TSPAN1: variants seen among roughly 807,000 people sequenced by gnomAD.
TSPAN1 encodes tetraspanin 1.
In TSPAN1, 23 loss-of-function variants were observed where a neutral mutation model predicts 26.9. The observed-to-expected ratio is 0.85, with a 90% CI of 0.62 to 1.21. The LOEUF (loss-of-function observed/expected upper bound fraction) is 1.21. Among genes scored for constraint, TSPAN1 ranks in the 50% most tolerant of loss-of-function variants. TSPAN1 has a pLI of 0.00. For missense variants in TSPAN1, 283 were observed against 298.4 expected (o/e 0.95, Z 0.38); for synonymous variants, 115 against 114.8 (o/e 1.00, Z -0.01).
chr1:46,193,289 C>T, the TSPAN1 span: 1 of 1,613,884 alleles, frequency 6.2e-7, no homozygotes, highest in Non-Finnish European at 8.5e-7. Context: ...CCCATCCCCA[C>T]TTGCCTATGC....
chr1:46,176,610 G>A, intron 1 of TSPAN1: 4 of 1,059,128 alleles, frequency 3.8e-6, no homozygotes, highest in Non-Finnish European at 5.3e-6. Flanking sequence ...CATGGGTCAG[G>A]CTCCTTCACA....
chr1:46,185,581 G>A lies in TSPAN1; in HGVS notation c.*48G>A. On this transcript the variant is annotated 3_prime_UTR_variant, in exon 9 of 9. Transcript: ENST00000372003. ...ACTGCTGCCACATGGGAACTGTGAA[G>A]AGGCACCCTGGCAAGCAGCAGTGAT... The A allele has an allele frequency of 6.2e-7, 1 of 1,601,964 alleles. No homozygotes were observed. The highest frequency in any genetic ancestry group is 8.5e-7 in the Non-Finnish European group (1 of 1,169,726).
chr1:46,192,293 T>C, the TSPAN1 span: 1 of 1,614,166 alleles, frequency 6.2e-7, no homozygotes, highest in South Asian at 1.1e-5. Flanking sequence ...CCCCTCACCC[T>C]ACCCTGACAG....
chr1:46,185,654 C>T lies in TSPAN1; in HGVS notation c.*121C>T. On this transcript the variant is annotated 3_prime_UTR_variant, in exon 9 of 9. Coordinates refer to ENST00000372003, the MANE Select transcript of TSPAN1 (RefSeq NM_005727.4). The stretch of plus-strand genomic sequence containing the variant: ...CAATGTCACTTGGGCCAGAATGGAC[C>T]TGCCCTTTCTGCTCCAGACTTGGGG... The T allele has an allele frequency of 1.8e-6, 2 of 1,113,904 alleles. No homozygotes were observed. The highest frequency in any genetic ancestry group is 2.6e-6 in the Non-Finnish European group (2 of 756,188). The allele number at this position is 1,113,904 out of a possible 1,614,324, so 69.0% of individuals were successfully genotyped here.
chr1:46,194,981 A>C, the TSPAN1 span: 2 of 1,611,536 alleles, frequency 1.2e-6, no homozygotes, highest in Non-Finnish European at 1.7e-6. Flanking sequence ...CAGAGAAGGC[A>C]GTTAGCCTGA....
chr1:46,192,845 G>A, the TSPAN1 span: 1 of 1,610,686 alleles, frequency 6.2e-7, no homozygotes, highest in Non-Finnish European at 8.5e-7. Context: ...ACACCTCACT[G>A]ACTCTTTCCC....
intron 3 of TSPAN1, chr1:46,183,356 A>G (rs1657354795): frequency 6.6e-6 from 1 of 152,256 alleles, no homozygotes; most frequent in African/African-American, 2.4e-5. Flanking sequence ...TCCAGCCACA[A>G]TCTGCCACCT....
rs1346895150 is a variant in TSPAN1, at chr1:46,185,794, A to C, written c.*261A>C. The C allele has an allele frequency of 1.8e-6, 1 of 570,642 alleles. No homozygotes were observed. Among genetic ancestry groups the C allele is most frequent in the Non-Finnish European group, 3.1e-6 (1 of 319,284 alleles). The allele number at this position is 570,642 out of a possible 1,614,324, so 35.3% of individuals were successfully genotyped here. A position where few individuals can be genotyped will look rare whatever the true frequency, so the allele number is the denominator to read the frequency against. ...AGCCAGTTCTGTTGCCCATTCCCCC[A>C]GTCTATTAAACCCTTGATATGCCCC... On this transcript the variant is annotated 3_prime_UTR_variant, in exon 9 of 9. Transcript: ENST00000372003.
intron 1 of TSPAN1, chr1:46,175,685 C>A: frequency 2.5e-6 from 1 of 399,698 alleles, no homozygotes; most frequent in Non-Finnish European, 4.4e-6. Flanking sequence ...CTGGAAGTTC[C>A]CTGCCTCTTG....
downstream of TSPAN1, chr1:46,189,025 TC>T (rs1657531587): frequency 3.2e-6 from 5 of 1,576,170 alleles, no homozygotes; most frequent in Non-Finnish European, 4.3e-6. Flanking sequence ...CTGCTAGGGA[TC>T]GTAATGATTC....
chr1:46,184,089 T>A (rs909655607), intron 3 of TSPAN1, 102 bp from the exon 4 acceptor site: 2 of 1,282,376 alleles, frequency 1.6e-6, no homozygotes, highest in Non-Finnish European at 2.3e-6. Context: ...CCCTAGCCAA[T>A]AAAGAGGGAA....
chr1:46,179,352 G>A (rs1657257659), intron 1 of TSPAN1, among the ~76,000 whole-genome samples: 1 of 150,728 alleles, frequency 6.6e-6, no homozygotes, highest in Non-Finnish European at 1.5e-5. Context: ...CCATCTCATA[G>A]CCCCACTGCC....
chr1:46,193,353 C>A, the TSPAN1 span: 1 of 1,613,348 alleles, frequency 6.2e-7, no homozygotes, highest in Non-Finnish European at 8.5e-7. Flanking sequence ...GCTGGATGCC[C>A]CTCAGACCAA....
chr1:46,184,536 C>T, intron 4 of TSPAN1, 58 bp from the exon 5 acceptor site: 3 of 1,603,910 alleles, frequency 1.9e-6, no homozygotes, highest in Non-Finnish European at 2.6e-6. Flanking sequence ...GGGATTAGGG[C>T]AAGGAGGGCA....
At chr1:46,188,791 G>A (rs370387187), downstream of TSPAN1, 13 of 1,612,796 alleles carry the variant, frequency 8.1e-6, no homozygotes, top group African/African-American at 1.5e-4. Flanking sequence ...GGGTCTCTGA[G>A]TGAGTCTGTG....
chr1:46,196,138 T>C, the TSPAN1 span: 40 of 1,611,594 alleles, frequency 2.5e-5, no homozygotes, highest in East Asian at 8.0e-4. This position sits in a 1 kb window ranked among gnomAD's most constrained non-coding sequence, Gnocchi z 4.4. Context: ...GTCTCTGTCT[T>C]AGGGGTACTT....
intron 2 of TSPAN1, 33 bp from the exon 3 acceptor site, chr1:46,181,067 C>A: frequency 6.2e-7 from 1 of 1,608,160 alleles, no homozygotes; most frequent in Non-Finnish European, 8.5e-7. Context: ...CCAGGGGAAA[C>A]AAGGCCCTAA....
chr1:46,193,130 GT>G, the TSPAN1 span: 10 of 1,613,258 alleles, frequency 6.2e-6, no homozygotes, highest in African/African-American at 5.3e-5. Flanking sequence ...TTATGCCCAT[GT>G]TTCCCCCCTC....
rs1001454678 is a variant in TSPAN1, at chr1:46,176,635, G to A, written c.-142+1226G>A. Reference sequence around the variant, plus strand: ...GCTCCTTCACAATCTTCTTTATTGGGTCTGGCCTAAAAGCCAGCCCAAGAG... The same window carrying A: ...GCTCCTTCACAATCTTCTTTATTGGATCTGGCCTAAAAGCCAGCCCAAGAG... On this transcript the variant is annotated intron_variant, in intron 1 of 8. Transcript: ENST00000372003. 7.4e-6 allele frequency: 7 copies of A among 941,782 alleles called. No homozygotes were observed. In the Admixed American group the frequency reaches 2.1e-4, roughly 28 times the overall value. 58.3% of individuals were successfully genotyped at this position (941,782 alleles called of 1,614,324 possible). A position where few individuals can be genotyped will look rare whatever the true frequency, so the allele number is the denominator to read the frequency against.
Sources: gnomAD v4.1 joint callset for allele counts (sites outside exome capture counted in the v4.1 genomes callset) on GRCh38, gnomAD v4.1.1 for gene constraint, Gnocchi (gnomAD v3.1) non-coding constraint, MANE v1.5 for transcripts, NCBI Gene and HGNC (gene_info 2026-07-23, HGNC 2026-07-21) for gene names.